The following TMEM132C variants were observed in gnomAD, a reference collection of about 807,000 sequenced individuals.
The protein encoded by TMEM132C is transmembrane protein 132C.
In TMEM132C, 29 loss-of-function variants were observed where a neutral mutation model predicts 61.4. The ratio of observed to expected loss-of-function variants is 0.47; its 90% CI spans 0.35 to 0.64. The LOEUF is 0.64. Among genes scored for constraint, TMEM132C ranks in the 30% least tolerant of loss-of-function variants. The pLI is 0.00. For synonymous variants in TMEM132C, 656 were observed against 633.1 expected, an observed-to-expected ratio of 1.04 and a Z score of -0.54; for missense variants, 1,408 against 1,476.9, an observed-to-expected ratio of 0.95 and a Z score of 0.76.
chr12:128,410,438 C>G (rs1470650693), intron 1 of TMEM132C, among the ~76,000 whole-genome samples: 1 of 152,154 alleles, frequency 6.6e-6, no homozygotes, highest in East Asian at 1.9e-4. Context: ...GAGTCTCACT[C>G]TGTCTCCAGG....
intron 2 of TMEM132C, among the ~76,000 whole-genome samples, chr12:128,426,694 C>T (rs1207859675): frequency 2.0e-5 from 3 of 152,090 alleles, no homozygotes; most frequent in African/African-American, 7.2e-5. Flanking sequence ...TGCTACATCC[C>T]CTGTCCCCCT....
chr12:128,702,378 ATGT>A (rs959614509), intron 8 of TMEM132C, among the ~76,000 whole-genome samples: 50 of 152,080 alleles, frequency 3.3e-4, no homozygotes, highest in African/African-American at 4.8e-4. Context: ...TTATTATGAA[ATGT>A]TATTATTTCA....
intron 1 of TMEM132C, among the ~76,000 whole-genome samples, chr12:128,384,193 C>A (rs1454219334): frequency 6.6e-6 from 1 of 152,180 alleles, no homozygotes; most frequent in Non-Finnish European, 1.5e-5. Context: ...TCTTGACAGA[C>A]AAAGGAGACA....
chr12:128,583,235 C>T (rs902063), intron 3 of TMEM132C, among the ~76,000 whole-genome samples: 59,809 of 151,902 alleles, frequency 0.39, 12,258 homozygotes, highest in South Asian at 0.55. Context: ...ATAGGTATGA[C>T]TGTATCAGGT....
rs1219430880 is a variant in TMEM132C at position 128,665,978 on chromosome 12, C to T, written c.1306-3439C>T. Among the ~76,000 whole-genome samples the T allele has an allele frequency of 3.0e-4, 44 of 147,932 alleles. 1 individual carries two copies. Among genetic ancestry groups the T allele is most frequent in the African/African-American group, 9.8e-4 (39 of 39,836 alleles). ...ACACACACACACGGGCACATGTACC[C>T]GTAAACACACAGGCACTCACACACA... On this transcript the variant is annotated intron_variant, in intron 4 of 8. Transcript: ENST00000435159.
chr12:128,577,094 C>T (rs1423197960), intron 3 of TMEM132C, among the ~76,000 whole-genome samples: 2 of 152,164 alleles, frequency 1.3e-5, no homozygotes, highest in Non-Finnish European at 2.9e-5. Flanking sequence ...CTTCCCTCCC[C>T]ACAGCCCCCA....
chr12:128,702,631 G>A (rs1954812053), intron 8 of TMEM132C, among the ~76,000 whole-genome samples: 1 of 152,192 alleles, frequency 6.6e-6, no homozygotes, highest in Non-Finnish European at 1.5e-5. Context: ...TCTGAAGGAG[G>A]TTGTATTTGC....
chr12:128,386,468 A>T (rs1257704793), intron 1 of TMEM132C, among the ~76,000 whole-genome samples: 2 of 152,066 alleles, frequency 1.3e-5, no homozygotes, highest in Admixed American at 1.3e-4. Context: ...CCAAATCCTC[A>T]TCCCTCCTTC....
intron 2 of TMEM132C, among the ~76,000 whole-genome samples, chr12:128,527,114 A>G (rs916894987): frequency 3.9e-5 from 6 of 152,196 alleles, no homozygotes; most frequent in African/African-American, 1.4e-4. Context: ...TCCAGAGGAC[A>G]TTCTGCTGCT....
At chr12:128,469,692 G>A (rs1870874612) in intron 2 of TMEM132C, among the ~76,000 whole-genome samples, 1 of 151,490 alleles carries the variant, frequency 6.6e-6, no homozygotes, top group African/African-American at 2.4e-5. Context: ...TTATGTGTGT[G>A]TATGTATATA....
intron 1 of TMEM132C, among the ~76,000 whole-genome samples, chr12:128,267,783 T>C (rs1592990316): frequency 6.6e-6 from 1 of 151,544 alleles, no homozygotes; most frequent in South Asian, 2.1e-4. Flanking sequence ...AGGGACACGG[T>C]GTTTGTTCCC....
intron 5 of TMEM132C, among the ~76,000 whole-genome samples, chr12:128,683,692 C>T (rs754382199): frequency 7.2e-5 from 11 of 152,148 alleles, no homozygotes; most frequent in South Asian, 2.1e-4. Context: ...GGTCGCCAGG[C>T]GCAGTGGCTC....
intron 1 of TMEM132C, among the ~76,000 whole-genome samples, chr12:128,358,101 C>T (rs1283325821): frequency 2.0e-5 from 3 of 152,108 alleles, no homozygotes; most frequent in Non-Finnish European, 4.4e-5. Context: ...TGAATCCCCT[C>T]TGGGGCTGGA....
At chr12:128,448,110 AT>A (rs201991733) in intron 2 of TMEM132C, among the ~76,000 whole-genome samples, 15 of 151,520 alleles carry the variant, frequency 9.9e-5, no homozygotes, top group African/African-American at 3.6e-4. Context: ...AAGTAAGACA[AT>A]TTTTTTTGTT....
chr12:128,445,097 A>G (rs1869931812), intron 2 of TMEM132C, among the ~76,000 whole-genome samples: 1 of 152,130 alleles, frequency 6.6e-6, no homozygotes, highest in Non-Finnish European at 1.5e-5. Flanking sequence ...AAATTCTGAA[A>G]TTAATTCTTG....
intron 3 of TMEM132C, among the ~76,000 whole-genome samples, chr12:128,602,462 C>T (rs1298936927): frequency 1.3e-5 from 2 of 152,212 alleles, no homozygotes; most frequent in Non-Finnish European, 2.9e-5. Flanking sequence ...CCAAGATTGA[C>T]CCAGGAGGGC....
At chr12:128,490,569 G>A (rs1418343643) in intron 2 of TMEM132C, among the ~76,000 whole-genome samples, 1 of 152,228 alleles carries the variant, frequency 6.6e-6, no homozygotes, top group Non-Finnish European at 1.5e-5. Context: ...CACATTGAAT[G>A]ATATATTTTA....
intron 2 of TMEM132C, among the ~76,000 whole-genome samples, chr12:128,452,563 C>T (rs548383568): frequency 2.8e-5 from 4 of 141,910 alleles, no homozygotes; most frequent in Admixed American, 7.5e-5. Context: ...TGCCTCTCGT[C>T]GCAGCTGCTG....
At chr12:128,390,956 T>G (rs934001607) in intron 1 of TMEM132C, among the ~76,000 whole-genome samples, 1 of 152,176 alleles carries the variant, frequency 6.6e-6, no homozygotes, top group African/African-American at 2.4e-5. Flanking sequence ...GAAGCTGTAA[T>G]TTGAAGAGTT....
Sources: gnomAD v4.1 joint callset for allele counts (sites outside exome capture counted in the v4.1 genomes callset) on GRCh38, gnomAD v4.1.1 for gene constraint, MANE v1.5 for transcripts, NCBI Gene and HGNC (gene_info 2026-07-23, HGNC 2026-07-21) for gene names.